GLI3: variants seen among roughly 807,000 people sequenced by gnomAD.
The protein encoded by GLI3 is GLI family zinc finger 3.
A neutral mutation model predicts 100.8 loss-of-function variants in GLI3; 20 were observed. That is an observed-to-expected ratio of 0.20 (90% CI 0.14 to 0.29). GLI3 has a LOEUF of 0.29. Among genes scored for constraint, GLI3 ranks in the 10% least tolerant of loss-of-function variants. GLI3 has a pLI of 1.00. For synonymous variants in GLI3, 938 were observed against 860.5 expected, an observed-to-expected ratio of 1.09 and a Z score of -1.58; for missense variants, 2,040 against 2,128.5, an observed-to-expected ratio of 0.96 and a Z score of 0.82.
intron 3 of GLI3, among the ~76,000 whole-genome samples, chr7:42,134,984 G>A (rs1048964861): frequency 3.9e-5 from 6 of 152,232 alleles, no homozygotes; most frequent in Admixed American, 3.3e-4. Flanking sequence ...TTAATTAGGA[G>A]AATTTCATAG....
At position 41,965,811 on chromosome 7, in the gene GLI3, C is replaced by T. The variant is rs765741673; in HGVS notation, c.3262G>A (p.Asp1088Asn). 7 of 1,613,266 alleles carry T rather than the reference C, an allele frequency of 4.3e-6. No homozygotes were observed. The African/African-American group carries it at 9.4e-5, about 22-fold the overall frequency. The change falls in exon 15 of 15, where the codon GAT (aspartate) becomes AAT (asparagine). Residue 1088 changes from aspartate (D) to asparagine (N), a missense_variant. Transcript: ENST00000395925. ...LTMDADANLN[D>N]EDFLPDDVVQ... ...ACGTCGTCCGGCAGGAAATCCTCAT[C>T]GTTCAGGTTGGCATCAGCGTCCATG...
intron 4 of GLI3, among the ~76,000 whole-genome samples, chr7:42,055,054 C>CATATATATGTATATATACATATAT (rs1784425969): frequency 3.8e-5 from 5 of 131,952 alleles, no homozygotes; most frequent in Admixed American, 2.2e-4. Flanking sequence ...TATATATACA[C>CATATATATGTATATATACATATAT]ACACATATAT....
At position 41,961,083 on chromosome 7, in the gene GLI3, C is replaced by T. The variant is rs952379800; in HGVS notation, c.*3247G>A. On this transcript the variant is annotated 3_prime_UTR_variant, in exon 15 of 15. Transcript: ENST00000395925. ...CTGCAGCCCCTGGGCTTGAGGTGGG[C>T]GTGATCACGGGGAATGCAGGCTTGT... is the stretch of plus-strand genomic sequence containing the variant. 1 of 152,398 alleles carries T rather than the reference C, an allele frequency of 6.6e-6. No individual in the cohort carries two copies. The highest frequency in any genetic ancestry group is 2.4e-5 in the African/African-American group (1 of 41,362). The allele number at this position is 152,398 out of a possible 1,614,324, so 9.4% of individuals were successfully genotyped here.
chr7:42,002,210 G>C (rs1163184737), intron 10 of GLI3, among the ~76,000 whole-genome samples: 1 of 152,068 alleles, frequency 6.6e-6, no homozygotes, highest in Admixed American at 6.6e-5. Context: ...CAGCTATAAT[G>C]CTCATAAGAA....
At chr7:42,092,870 G>A (rs774771810) in intron 3 of GLI3, among the ~76,000 whole-genome samples, 1 of 151,812 alleles carries the variant, frequency 6.6e-6, no homozygotes, top group South Asian at 2.1e-4. Flanking sequence ...CTGGAGTGCA[G>A]TGGTGCGATC....
chr7:42,232,846 T>C (rs1483031394), intron 1 of GLI3, among the ~76,000 whole-genome samples: 1 of 152,334 alleles, frequency 6.6e-6, no homozygotes. Context: ...CCATAGATTT[T>C]CTGAGACATT....
At chr7:42,223,108 T>G (rs774734965) in intron 2 of GLI3, 22 bp downstream of exon 2, 1 of 1,613,540 alleles carries the variant, frequency 6.2e-7, no homozygotes, top group Non-Finnish European at 8.5e-7. Context: ...GCTGGGCTGC[T>G]GGTAATCCCT....
intron 3 of GLI3, chr7:42,113,287 G>A (rs1241646405): frequency 3.5e-6 from 2 of 571,806 alleles, no homozygotes; most frequent in African/African-American, 1.9e-5. Flanking sequence ...AGGCGAGAAC[G>A]ACCCCCGGAC....
chr7:42,024,798 C>T (rs1019203370), intron 9 of GLI3, among the ~76,000 whole-genome samples: 1 of 152,114 alleles, frequency 6.6e-6, no homozygotes, highest in Non-Finnish European at 1.5e-5. Flanking sequence ...TCTGGTTCGC[C>T]AGGCTCTCCT....
chr7:42,226,940 G>C (rs1788592496), intron 1 of GLI3, among the ~76,000 whole-genome samples: 1 of 152,102 alleles, frequency 6.6e-6, no homozygotes, highest in Non-Finnish European at 1.5e-5. Context: ...TCAAGCATTC[G>C]GGATAGAAGT....
At chr7:42,033,653 G>A (rs1159946848) in intron 7 of GLI3, among the ~76,000 whole-genome samples, 1 of 152,180 alleles carries the variant, frequency 6.6e-6, no homozygotes, top group Non-Finnish European at 1.5e-5. Flanking sequence ...GTTGCACTAA[G>A]AGGTCATCCT....
intron 2 of GLI3, among the ~76,000 whole-genome samples, chr7:42,187,151 C>T (rs578106761): frequency 2.0e-5 from 3 of 147,742 alleles, no homozygotes; most frequent in Non-Finnish European, 4.4e-5. Context: ...GTTGAGGCTA[C>T]AGTAAGCCCC....
intron 10 of GLI3, among the ~76,000 whole-genome samples, chr7:41,982,545 T>A (rs562227366): frequency 6.8e-6 from 1 of 148,036 alleles, no homozygotes; most frequent in East Asian, 2.0e-4. Flanking sequence ...ACCCCATGTC[T>A]AAAAAAAAAA....
At chr7:42,229,820 T>C (rs143127023) in intron 1 of GLI3, among the ~76,000 whole-genome samples, 396 of 152,268 alleles carry the variant, frequency 2.6e-3, no homozygotes, top group Non-Finnish European at 4.9e-3. Flanking sequence ...GATTTGAACT[T>C]TTTGATCAAT....
chr7:42,068,800 C>T (rs1290314426), intron 4 of GLI3, among the ~76,000 whole-genome samples: 1 of 152,022 alleles, frequency 6.6e-6, no homozygotes, highest in Non-Finnish European at 1.5e-5. Flanking sequence ...GGAGAGACGG[C>T]CACATAGGAA....
At chr7:42,252,090 A>G (rs1284340085) in intron 1 of GLI3, among the ~76,000 whole-genome samples, 1 of 152,234 alleles carries the variant, frequency 6.6e-6, no homozygotes, top group Non-Finnish European at 1.5e-5. Flanking sequence ...TATGGAATCA[A>G]TCTAAATGCC....
intron 2 of GLI3, among the ~76,000 whole-genome samples, chr7:42,162,071 T>C (rs904093740): frequency 2.0e-5 from 3 of 152,150 alleles, no homozygotes; most frequent in African/African-American, 7.2e-5. Flanking sequence ...ACATTACTGA[T>C]TTTTCTAGAT....
upstream of GLI3, among the ~76,000 whole-genome samples, chr7:42,237,327 C>G (rs1788829089): frequency 6.6e-6 from 1 of 151,960 alleles, no homozygotes; most frequent in East Asian, 1.9e-4. Flanking sequence ...AGTGACAGTT[C>G]TGATTTGGTT....
intron 2 of GLI3, among the ~76,000 whole-genome samples, chr7:42,182,662 A>ATATATATATATATACATGTG (rs1554337069): frequency 1.3e-5 from 1 of 76,742 alleles, no homozygotes; most frequent in Non-Finnish European, 2.5e-5. Flanking sequence ...ATATATATAT[A>ATATATATATATATACATGTG]TATATATATA....
Sources: allele counts gnomAD v4.1 joint callset (sites outside exome capture counted in the v4.1 genomes callset), GRCh38; gene constraint gnomAD v4.1.1; transcripts MANE v1.5; gene names NCBI Gene and HGNC (gene_info 2026-07-23, HGNC 2026-07-21).